Variants in SLC39A11 observed in about 807,000 individuals in gnomAD.
SLC39A11 encodes zinc transporter ZIP11.
Under a neutral mutation model 36.1 loss-of-function variants are expected in SLC39A11, and 33 were observed. The ratio of observed to expected loss-of-function variants is 0.91; its 90% CI spans 0.69 to 1.22. SLC39A11 has a LOEUF of 1.22. Ranked by LOEUF, SLC39A11 falls within the 50% of genes most tolerant of loss-of-function variation. The pLI, the probability that SLC39A11 is intolerant of heterozygous loss-of-function variation, is 0.00. For synonymous variants in SLC39A11, 166 were observed against 170.3 expected (o/e 0.97, Z 0.20); for missense variants, 432 against 430.3 (o/e 1.00, Z -0.03).
intron 5 of SLC39A11, among the ~76,000 whole-genome samples, chr17:72,927,322 A>C (rs1470877720): frequency 6.6e-6 from 1 of 152,144 alleles, no homozygotes; most frequent in Non-Finnish European, 1.5e-5. Flanking sequence ...TTGGCCTCCC[A>C]AAGTGCTGGG....
chr17:72,660,221 G>A (rs924388465), intron 7 of SLC39A11, among the ~76,000 whole-genome samples: 13 of 152,176 alleles, frequency 8.5e-5, no homozygotes, highest in African/African-American at 1.9e-4. Flanking sequence ...CACTGCAACC[G>A]CCTGCGGTTG....
chr17:73,045,606 T>C (rs1032710661), intron 3 of SLC39A11, among the ~76,000 whole-genome samples: 1 of 152,136 alleles, frequency 6.6e-6, no homozygotes, highest in Non-Finnish European at 1.5e-5. Flanking sequence ...ACGCTTAGGC[T>C]TTTTTGTTTG....
chr17:73,000,724 A>G (rs111512851), intron 4 of SLC39A11, among the ~76,000 whole-genome samples: 1 of 152,226 alleles, frequency 6.6e-6, no homozygotes, highest in Non-Finnish European at 1.5e-5. Context: ...ACAAGGTCAG[A>G]GGCCAACTGA....
intron 7 of SLC39A11, among the ~76,000 whole-genome samples, chr17:72,653,533 G>A (rs1365691381): frequency 6.6e-6 from 1 of 151,512 alleles, no homozygotes; most frequent in Non-Finnish European, 1.5e-5. Context: ...TCCGCCTCAT[G>A]GGTTCAAGCG....
chr17:73,058,174 C>T (rs7224715), intron 3 of SLC39A11, among the ~76,000 whole-genome samples: 64,399 of 151,904 alleles, frequency 0.42, 14,009 homozygotes, highest in Non-Finnish European at 0.46. Flanking sequence ...TTTGTCTTCA[C>T]CAGGCTTGCG....
At chr17:72,741,295 G>A (rs1458835003) in intron 6 of SLC39A11, among the ~76,000 whole-genome samples, 2 of 152,112 alleles carry the variant, frequency 1.3e-5, no homozygotes, top group South Asian at 4.1e-4. Context: ...AGCCTCAAGC[G>A]ATCCTCCTGC....
intron 5 of SLC39A11, among the ~76,000 whole-genome samples, chr17:72,896,556 C>T (rs1567904139): frequency 6.6e-6 from 1 of 151,982 alleles, no homozygotes; most frequent in African/African-American, 2.4e-5. Flanking sequence ...ACCCCAACAG[C>T]GTACCGAAAG....
intron 6 of SLC39A11, among the ~76,000 whole-genome samples, chr17:72,787,008 C>T (rs560228324): frequency 2.0e-5 from 3 of 151,742 alleles, no homozygotes; most frequent in South Asian, 2.1e-4. Flanking sequence ...TTAGTAGAGA[C>T]GGGGTTTCAC....
At chr17:72,951,381 A>C (rs1598558472) in intron 4 of SLC39A11, among the ~76,000 whole-genome samples, 1 of 152,142 alleles carries the variant, frequency 6.6e-6, no homozygotes, top group African/African-American at 2.4e-5. Context: ...GGAAACTCAC[A>C]GACCCTCTTT....
At chr17:72,988,056 G>A (rs922344718) in intron 4 of SLC39A11, among the ~76,000 whole-genome samples, 38 of 152,290 alleles carry the variant, frequency 2.5e-4, no homozygotes, top group African/African-American at 8.9e-4. Flanking sequence ...TTTTGACACA[G>A]CCATGCAGTG....
chr17:72,791,683 G>T (rs1420583805), intron 6 of SLC39A11, among the ~76,000 whole-genome samples: 1 of 152,184 alleles, frequency 6.6e-6, no homozygotes, highest in Non-Finnish European at 1.5e-5. Context: ...ATGTGTTGGG[G>T]GAGGGAGCTC....
At chr17:72,752,859 T>A (rs2075206687) in intron 6 of SLC39A11, among the ~76,000 whole-genome samples, 1 of 152,032 alleles carries the variant, frequency 6.6e-6, no homozygotes, top group African/African-American at 2.4e-5. Flanking sequence ...TTGGTGGTGG[T>A]GTTGTTTTGA....
chr17:73,031,413 C>A, intron 4 of SLC39A11, 143 bp downstream of exon 4: 1 of 857,996 alleles, frequency 1.2e-6, no homozygotes. Flanking sequence ...CGATCAGTTC[C>A]TCTAATGCCT....
chr17:72,785,689 A>C (rs1408861113), intron 6 of SLC39A11, among the ~76,000 whole-genome samples: 1 of 152,198 alleles, frequency 6.6e-6, no homozygotes, highest in Non-Finnish European at 1.5e-5. Context: ...CACCACCGGG[A>C]GGGTGGAAAA....
At chr17:72,732,846 T>C (rs1286757473) in intron 7 of SLC39A11, among the ~76,000 whole-genome samples, 3 of 152,228 alleles carry the variant, frequency 2.0e-5, no homozygotes, top group Non-Finnish European at 4.4e-5. Flanking sequence ...TTGAGGTTTC[T>C]GGTACAAGAT....
chr17:72,900,227 AAG>A (rs1312095755), intron 5 of SLC39A11, among the ~76,000 whole-genome samples: 2 of 148,468 alleles, frequency 1.3e-5, no homozygotes, highest in Admixed American at 6.7e-5. Context: ...GAAAGAAAGA[AAG>A]AAAAAGACAG....
At chr17:73,003,634 GTGC>G (rs1192399942) in intron 4 of SLC39A11, among the ~76,000 whole-genome samples, 1 of 152,198 alleles carries the variant, frequency 6.6e-6, no homozygotes, top group African/African-American at 2.4e-5. Context: ...TCACAGAGGT[GTGC>G]TGTTGTGAGT....
intron 1 of SLC39A11, among the ~76,000 whole-genome samples, chr17:73,090,963 C>A (rs1449727734): frequency 3.3e-5 from 5 of 152,120 alleles, no homozygotes; most frequent in Non-Finnish European, 7.4e-5. Context: ...TGTTTTAAAT[C>A]CTCGCTACAA....
At chr17:73,025,231 G>A (rs550201182) in intron 4 of SLC39A11, among the ~76,000 whole-genome samples, 29 of 152,246 alleles carry the variant, frequency 1.9e-4, no homozygotes, top group African/African-American at 6.0e-4. Flanking sequence ...CCAAGTCCAC[G>A]TGGAGGAGAC....
Sources: allele counts gnomAD v4.1 joint callset (sites outside exome capture counted in the v4.1 genomes callset), GRCh38; gene constraint gnomAD v4.1.1; transcripts MANE v1.5; gene names NCBI Gene and HGNC (gene_info 2026-07-23, HGNC 2026-07-21).